EGF: variants seen among roughly 807,000 people sequenced by gnomAD.
EGF encodes pro-epidermal growth factor.
Under a neutral mutation model 143.8 loss-of-function variants are expected in EGF, and 95 were observed. That is an observed-to-expected ratio of 0.66 (90% CI 0.56 to 0.78). The LOEUF (loss-of-function observed/expected upper bound fraction) is 0.78. Among genes scored for constraint, EGF ranks in the 30% least tolerant of loss-of-function variants. The probability of loss-of-function intolerance (pLI) is 0.00; values close to 1 mark genes in which losing one functional copy is unlikely to be tolerated. For missense variants in EGF, 1,320 were observed against 1,470.9 expected, an observed-to-expected ratio of 0.90 and a Z score of 1.68; for synonymous variants, 510 against 510.5, an observed-to-expected ratio of 1.00 and a Z score of 0.01.
In EGF at chr4:109,997,459, A is replaced by AT. The variant is rs1233074875; in HGVS notation, c.3006-2210dup. Among the ~76,000 whole-genome samples, 266 of 150,256 alleles carry AT rather than the reference A, an allele frequency of 1.8e-3. 1 individual carries two copies. The highest frequency in any genetic ancestry group is 6.0e-3 in the African/African-American group (245 of 40,964). The stretch of plus-strand genomic sequence containing the variant: ...CATGGTGAGACTCCATCTCTACCAA[A>AT]TTTTTTTTTTCTTTTTTTTTGTGAT... On this transcript the variant is annotated intron_variant, in intron 20 of 23. Coordinates refer to ENST00000265171, the MANE Select transcript of EGF (RefSeq NM_001963.6).
At chr4:109,935,742 T>A (rs2125987807) in intron 1 of EGF, among the ~76,000 whole-genome samples, 1 of 152,138 alleles carries the variant, frequency 6.6e-6, no homozygotes, top group East Asian at 1.9e-4. Flanking sequence ...ATACCAAGAG[T>A]TTTTAGCATG....
intron 1 of EGF, among the ~76,000 whole-genome samples, chr4:109,937,368 T>C (rs1030299940): frequency 3.3e-5 from 5 of 151,998 alleles, no homozygotes; most frequent in Non-Finnish European, 5.9e-5. Context: ...GCTTTTTTTT[T>C]TTTTTTGCTT....
intron 1 of EGF, among the ~76,000 whole-genome samples, chr4:109,918,889 T>C (rs1737180114): frequency 6.6e-6 from 1 of 152,138 alleles, no homozygotes; most frequent in African/African-American, 2.4e-5. Flanking sequence ...CAGACATCTC[T>C]TTTTCTTGGG....
chr4:109,925,945 G>C (rs1412238593), intron 1 of EGF, among the ~76,000 whole-genome samples: 1 of 152,168 alleles, frequency 6.6e-6, no homozygotes, highest in Non-Finnish European at 1.5e-5. Flanking sequence ...AAGCATTATG[G>C]AACATCATTG....
intron 1 of EGF, among the ~76,000 whole-genome samples, chr4:109,926,740 T>C (rs1214301698): frequency 6.6e-6 from 1 of 152,196 alleles, no homozygotes; most frequent in African/African-American, 2.4e-5. Flanking sequence ...TGATTACAGA[T>C]AGATGTCAGT....
intron 20 of EGF, among the ~76,000 whole-genome samples, chr4:109,996,319 A>G (rs1222410213): frequency 6.6e-6 from 1 of 152,216 alleles, no homozygotes; most frequent in Non-Finnish European, 1.5e-5. Context: ...TGAAAATATC[A>G]TATTTCTCTG....
At chr4:109,962,726 A>G (rs1010453902) in intron 8 of EGF, among the ~76,000 whole-genome samples, 3 of 152,192 alleles carry the variant, frequency 2.0e-5, no homozygotes, top group African/African-American at 7.2e-5. Context: ...TCTCTGAAAA[A>G]TAACCTTGAT....
chr4:109,946,892 A>C (rs59590892), intron 5 of EGF, among the ~76,000 whole-genome samples: 2,681 of 152,208 alleles, frequency 0.018, 87 homozygotes, highest in African/African-American at 0.06. Flanking sequence ...GCCGAGGTAG[A>C]TAGATCCCTT....
At chr4:110,011,170 G>T in intron 23 of EGF, 32 bp from the exon 24 acceptor site, 1 of 1,611,788 alleles carries the variant, frequency 6.2e-7, no homozygotes, top group South Asian at 1.1e-5. Context: ...TTAATGATAT[G>T]AATATTGAAA....
intron 1 of EGF, among the ~76,000 whole-genome samples, chr4:109,932,798 T>C (rs1274354982): frequency 3.3e-5 from 5 of 152,226 alleles, no homozygotes; most frequent in African/African-American, 1.2e-4. Context: ...GCATGCATGA[T>C]ACACATAGCA....
intron 21 of EGF, among the ~76,000 whole-genome samples, chr4:110,001,423 A>G (rs9991904): frequency 0.24 from 36,502 of 152,146 alleles, 5,039 homozygotes; most frequent in Middle Eastern, 0.34. Context: ...TAGTCCATCA[A>G]TAACATTGTA....
At chr4:109,927,806 C>CATGTGT (rs1491127040) in intron 1 of EGF, among the ~76,000 whole-genome samples, 14 of 136,396 alleles carry the variant, frequency 1.0e-4, no homozygotes, top group African/African-American at 3.4e-4. Context: ...TGAATTTTGC[C>CATGTGT]GTGTGTGTGT....
chr4:109,923,037 G>A (rs1232915531), intron 1 of EGF, among the ~76,000 whole-genome samples: 1 of 151,412 alleles, frequency 6.6e-6, no homozygotes, highest in Admixed American at 6.6e-5. Context: ...TTAACCAGCA[G>A]GTTCTTTGTG....
chr4:109,944,328 A>G (rs1440120092), intron 4 of EGF, among the ~76,000 whole-genome samples: 1 of 152,136 alleles, frequency 6.6e-6, no homozygotes, highest in African/African-American at 2.4e-5. Flanking sequence ...AGTCCCAGCT[A>G]TTCGGGAGGC....
chr4:109,970,387 A>C (rs2255355), intron 11 of EGF, among the ~76,000 whole-genome samples: 22,643 of 152,130 alleles, frequency 0.15, 2,774 homozygotes, highest in East Asian at 0.62. Flanking sequence ...CTGGTACCAA[A>C]GCAACCAAGT....
At chr4:109,983,564 T>C (rs1347127917) in intron 16 of EGF, 23 bp downstream of exon 16, 2 of 1,613,176 alleles carry the variant, frequency 1.2e-6, no homozygotes, top group South Asian at 1.1e-5. Flanking sequence ...AGTTCTCCAA[T>C]ATACCTTTGG....
At chr4:109,923,460 A>T (rs758625990) in intron 1 of EGF, among the ~76,000 whole-genome samples, 37 of 151,618 alleles carry the variant, frequency 2.4e-4, no homozygotes, top group Non-Finnish European at 4.9e-4. Context: ...TGAGACTTAC[A>T]CCAAATTTTG....
rs1260873057 is a variant in EGF at position 109,980,985 on chromosome 4, T to G, written c.2371+10T>G. The G allele has an allele frequency of 6.2e-7, 1 of 1,614,062 alleles. No homozygotes were observed. The highest frequency in any genetic ancestry group is 8.5e-7 in the Non-Finnish European group (1 of 1,179,938). On this transcript the variant is annotated intron_variant, in intron 15 of 23. Transcript: ENST00000265171. ...CATCAGCTGTTGGCAGGTAATATAA[T>G]AAATTATGTGGCAAATTACCTAACG...
intron 18 of EGF, chr4:109,992,384 C>T (rs1002947410): frequency 1.5e-4 from 23 of 152,042 alleles, no homozygotes; most frequent in Admixed American, 5.2e-4. Flanking sequence ...ATTAGCATGG[C>T]CCCTGCGCAA....
Sources: gnomAD v4.1 joint callset for allele counts (sites outside exome capture counted in the v4.1 genomes callset) on GRCh38, gnomAD v4.1.1 for gene constraint, MANE v1.5 for transcripts, NCBI Gene and HGNC (gene_info 2026-07-23, HGNC 2026-07-21) for gene names.